Variants in PLCL1 observed in about 807,000 individuals in gnomAD.
PLCL1 encodes the protein inactive phospholipase C-like protein 1.
Under a neutral mutation model 84.4 loss-of-function variants are expected in PLCL1, and 41 were observed. The observed-to-expected ratio is 0.49, with a 90% CI of 0.38 to 0.63. The LOEUF is 0.63. PLCL1 is among the 30% of genes least tolerant of loss of function. PLCL1 has a pLI of 0.00. For missense variants in PLCL1, 1,206 were observed against 1,367.8 expected, an observed-to-expected ratio of 0.88 and a Z score of 1.87; for synonymous variants, 490 against 488.3, an observed-to-expected ratio of 1.00 and a Z score of -0.05.
intron 1 of PLCL1, among the ~76,000 whole-genome samples, chr2:197,978,294 G>A (rs1188197029): frequency 6.6e-6 from 1 of 152,158 alleles, no homozygotes; most frequent in African/African-American, 2.4e-5. Context: ...GGCTAACACG[G>A]TGAAACCCCG....
chr2:197,989,724 A>C (rs992241731), intron 1 of PLCL1, among the ~76,000 whole-genome samples: 2 of 151,656 alleles, frequency 1.3e-5, no homozygotes, highest in East Asian at 1.9e-4. Context: ...AAAACAAAAC[A>C]AAAAACAAAA....
intron 4 of PLCL1, among the ~76,000 whole-genome samples, chr2:198,101,829 G>A (rs1433140758): frequency 6.6e-6 from 1 of 152,010 alleles, no homozygotes; most frequent in East Asian, 1.9e-4. Context: ...ACATATCTGT[G>A]AGAGTGTACT....
intron 1 of PLCL1, among the ~76,000 whole-genome samples, chr2:197,837,876 G>T (rs749444335): frequency 6.6e-6 from 1 of 152,142 alleles, no homozygotes; most frequent in Admixed American, 6.6e-5. Flanking sequence ...CCAGGGAAGC[G>T]AAACAGCAGC....
chr2:198,068,174 T>C (rs1324058584), intron 1 of PLCL1, among the ~76,000 whole-genome samples: 1 of 152,192 alleles, frequency 6.6e-6, no homozygotes, highest in Non-Finnish European at 1.5e-5. Flanking sequence ...CATTGTAAAG[T>C]GTTTAGTGGA....
chr2:198,008,260 A>G (rs935355956), intron 1 of PLCL1, among the ~76,000 whole-genome samples: 6 of 152,108 alleles, frequency 3.9e-5, no homozygotes, highest in African/African-American at 1.2e-4. Flanking sequence ...TTTTAAGTGT[A>G]GGGTTCAGTA....
rs116047157 is a variant in PLCL1 at position 197,895,151 on chromosome 2, G to A, written c.240+89812G>A. ...AGAGATACAAGTGCCAGATAAAATT[G>A]TCATAAGTTATCACTTTGGAGAGAG... On this transcript the variant is annotated intron_variant, in intron 1 of 5. Coordinates refer to ENST00000428675, the MANE Select transcript of PLCL1 (RefSeq NM_006226.4). Among the ~76,000 whole-genome samples the A allele has an allele frequency of 3.5e-3, 527 of 152,018 alleles. 8 individuals carry two copies. Among genetic ancestry groups the A allele is most frequent in the African/African-American group, 0.012 (489 of 41,520 alleles).
At chr2:197,811,827 T>G (rs1014935142) in intron 1 of PLCL1, among the ~76,000 whole-genome samples, 2 of 152,192 alleles carry the variant, frequency 1.3e-5, no homozygotes, top group African/African-American at 4.8e-5. Flanking sequence ...TCTCTTGACT[T>G]TTAGGTTCAG....
intron 1 of PLCL1, among the ~76,000 whole-genome samples, chr2:197,830,779 C>A (rs1010818519): frequency 1.3e-5 from 2 of 152,098 alleles, no homozygotes; most frequent in African/African-American, 4.8e-5. Context: ...AGAGAAAGAT[C>A]GGGTTACCCA....
chr2:198,106,601 T>C (rs1163807613), intron 5 of PLCL1, among the ~76,000 whole-genome samples: 1 of 151,932 alleles, frequency 6.6e-6, no homozygotes, highest in African/African-American at 2.4e-5. Context: ...TTAATGTGCC[T>C]GTCACAGAAA....
At chr2:197,811,087 T>G (rs960864455) in intron 1 of PLCL1, among the ~76,000 whole-genome samples, 1 of 152,236 alleles carries the variant, frequency 6.6e-6, no homozygotes. Flanking sequence ...GGTTTATTTG[T>G]AGTTTTGTTG....
chr2:197,939,485 G>A (rs1689114584), intron 1 of PLCL1, among the ~76,000 whole-genome samples: 1 of 152,112 alleles, frequency 6.6e-6, no homozygotes, highest in African/African-American at 2.4e-5. Context: ...CCAGGATTTA[G>A]GTGTTGGCAG....
At chr2:197,880,673 A>G (rs1046225986) in intron 1 of PLCL1, among the ~76,000 whole-genome samples, 2 of 152,196 alleles carry the variant, frequency 1.3e-5, no homozygotes, top group Non-Finnish European at 2.9e-5. Flanking sequence ...AACATTATGT[A>G]TAGGAGAAAA....
At chr2:198,055,331 G>C (rs868326850) in intron 1 of PLCL1, among the ~76,000 whole-genome samples, 407 of 98,964 alleles carry the variant, frequency 4.1e-3, no homozygotes, top group African/African-American at 0.015. Context: ...CTCTCTCTCT[G>C]TGTGTGTGTG....
At chr2:197,854,634 T>G (rs994705843) in intron 1 of PLCL1, among the ~76,000 whole-genome samples, 1 of 152,228 alleles carries the variant, frequency 6.6e-6, no homozygotes, top group Non-Finnish European at 1.5e-5. Context: ...TAAAATTTTG[T>G]GTACAAGGAC....
chr2:197,972,374 A>C (rs960087715), intron 1 of PLCL1, among the ~76,000 whole-genome samples: 1 of 152,248 alleles, frequency 6.6e-6, no homozygotes, highest in Admixed American at 6.5e-5. Flanking sequence ...AAGGAAAAAC[A>C]AAGTGTAACA....
chr2:198,118,726 A>T (rs181861197), intron 5 of PLCL1, among the ~76,000 whole-genome samples: 1 of 152,148 alleles, frequency 6.6e-6, no homozygotes, highest in Non-Finnish European at 1.5e-5. Flanking sequence ...TCAATTGTGC[A>T]CTGCACAACC....
In PLCL1 at chr2:198,085,253, T is replaced by C. The variant is rs756727681; in HGVS notation, c.1736T>C (p.Ile579Thr). ...SVDYNGEQKQ[I>T]RLCRELSDLV... ...GATTACAATGGTGAGCAGAAGCAAATCCGACTCTGTAGGGAGCTCTCTGAT... is the reference window on the plus strand; with the variant it reads ...GATTACAATGGTGAGCAGAAGCAAACCCGACTCTGTAGGGAGCTCTCTGAT... Residue 579 changes from isoleucine to threonine, a missense_variant, in exon 2 of 6, where the codon ATC becomes ACC. Physicochemically the swap from Ile to Thr is moderately conservative, Grantham distance 89. Coordinates refer to ENST00000428675, the MANE Select transcript of PLCL1 (RefSeq NM_006226.4). The surrounding 1 kb of genome is among the most constrained non-coding windows in gnomAD (Gnocchi z 5.3). 5 of 1,613,926 alleles carry C rather than the reference T, an allele frequency of 3.1e-6. No homozygotes were observed. In the African/African-American group the frequency reaches 5.3e-5, roughly 17 times the overall value.
chr2:198,084,586 A>G lies in PLCL1; in HGVS notation c.1069A>G (p.Ile357Val). The G allele has an allele frequency of 6.2e-7, 1 of 1,613,920 alleles. No individual in the cohort carries two copies. Among genetic ancestry groups the G allele is most frequent in the Non-Finnish European group, 8.5e-7 (1 of 1,179,764 alleles). The part of the protein sequence containing the change: ...HITEDICLDI[I>V]RRYELSEEGR... Reference sequence around the variant, plus strand: ...CACCGAGGATATATGCTTAGACATCATAAGGAGATACGAACTTTCTGAAGA... The same window carrying G: ...CACCGAGGATATATGCTTAGACATCGTAAGGAGATACGAACTTTCTGAAGA... Residue 357 changes from isoleucine (I) to valine (V), a missense_variant, in exon 2 of 6, where the codon ATA becomes GTA. Transcript: ENST00000428675.
intron 1 of PLCL1, among the ~76,000 whole-genome samples, chr2:197,909,888 G>C (rs1688451131): frequency 6.6e-6 from 1 of 152,152 alleles, no homozygotes; most frequent in Non-Finnish European, 1.5e-5. Context: ...TAGGGAAATG[G>C]GAAGTGAGCT....
Sources: gnomAD v4.1 joint callset for allele counts (sites outside exome capture counted in the v4.1 genomes callset) on GRCh38, gnomAD v4.1.1 for gene constraint, Gnocchi (gnomAD v3.1) non-coding constraint, MANE v1.5 for transcripts, NCBI Gene and HGNC (gene_info 2026-07-23, HGNC 2026-07-21) for gene names.